The following ERC2 variants were observed in gnomAD, a reference collection of about 807,000 sequenced individuals.
The protein encoded by ERC2 is ERC protein 2.
In ERC2, 42 loss-of-function variants were observed where a neutral mutation model predicts 114.8. The observed-to-expected ratio is 0.37, with a 90% confidence interval of 0.29 to 0.47. ERC2 has a LOEUF of 0.47. Ranked by LOEUF, ERC2 falls within the 20% of genes least tolerant of loss-of-function variation. The pLI is 0.99. For missense variants in ERC2, 939 were observed against 1,150.7 expected (o/e 0.82, Z 2.66); for synonymous variants, 454 against 425.5 (o/e 1.07, Z -0.82).
chr3:55,531,192 CCTGCTACTCCTTGGG>C (rs1243895726), intron 17 of ERC2, among the ~76,000 whole-genome samples: 2 of 152,136 alleles, frequency 1.3e-5, no homozygotes, highest in Non-Finnish European at 2.9e-5. Flanking sequence ...GGGGCCTTGG[CCTGCTACTCCTTGGG>C]CTTGACTTGC....
At chr3:56,244,478 T>C (rs7650293) in intron 3 of ERC2, among the ~76,000 whole-genome samples, 12,427 of 152,140 alleles carry the variant, frequency 0.082, 687 homozygotes, top group Admixed American at 0.15. Context: ...TCATAGGAGA[T>C]GACAGCTCCA....
intron 3 of ERC2, among the ~76,000 whole-genome samples, chr3:56,287,742 G>A (rs763627861): frequency 6.6e-5 from 10 of 152,152 alleles, no homozygotes; most frequent in East Asian, 1.9e-4. Flanking sequence ...TACTTCAATC[G>A]GCAAGTCCAA....
intron 16 of ERC2, among the ~76,000 whole-genome samples, chr3:55,696,421 C>A (rs930290527): frequency 6.6e-6 from 1 of 152,216 alleles, no homozygotes; most frequent in Non-Finnish European, 1.5e-5. Context: ...TGAAAGAGAC[C>A]TTTCCCCTTT....
intron 2 of ERC2, among the ~76,000 whole-genome samples, chr3:56,423,883 G>A (rs747132902): frequency 1.9e-4 from 29 of 152,224 alleles, no homozygotes; most frequent in Non-Finnish European, 3.2e-4. Flanking sequence ...ATGTTCCTGC[G>A]AGGCCAAACC....
intron 3 of ERC2, among the ~76,000 whole-genome samples, chr3:56,180,095 T>C (rs952540935): frequency 1.4e-4 from 22 of 152,082 alleles, no homozygotes; most frequent in African/African-American, 5.1e-4. Context: ...GGAGATCAAG[T>C]GAAGCAGCTG....
intron 17 of ERC2, among the ~76,000 whole-genome samples, chr3:55,634,687 C>G (rs1253586210): frequency 6.6e-6 from 1 of 152,132 alleles, no homozygotes; most frequent in African/African-American, 2.4e-5. Flanking sequence ...CTCCTATTTC[C>G]AATTAGAAAC....
chr3:56,061,011 C>T (rs879289000), intron 7 of ERC2, among the ~76,000 whole-genome samples: 9 of 152,176 alleles, frequency 5.9e-5, no homozygotes, highest in Non-Finnish European at 1.2e-4. Context: ...CAGTAACCTC[C>T]ACTTGCCTGC....
chr3:55,534,384 T>G (rs1575498454), intron 17 of ERC2, among the ~76,000 whole-genome samples: 7 of 121,118 alleles, frequency 5.8e-5, no homozygotes, highest in African/African-American at 1.2e-4. Context: ...GATGACAGAG[T>G]GAGACCCTGT....
intron 2 of ERC2, among the ~76,000 whole-genome samples, chr3:56,409,398 A>G (rs1318848647): frequency 2.0e-5 from 3 of 152,098 alleles, no homozygotes; most frequent in East Asian, 1.9e-4. Flanking sequence ...TAGGAAAATC[A>G]TGACTGTGTG....
chr3:56,363,772 A>C (rs1426901439), intron 2 of ERC2, among the ~76,000 whole-genome samples: 1 of 145,338 alleles, frequency 6.9e-6, no homozygotes, highest in Non-Finnish European at 1.5e-5. Flanking sequence ...ATCTCATCTC[A>C]TACTCTTGTT....
intron 7 of ERC2, among the ~76,000 whole-genome samples, chr3:56,040,638 A>C (rs1352944031): frequency 2.9e-5 from 3 of 104,408 alleles, no homozygotes; most frequent in African/African-American, 9.2e-5. Context: ...GTATATATAC[A>C]TATATAGATG....
At chr3:56,318,823 G>A (rs375961607) in intron 2 of ERC2, among the ~76,000 whole-genome samples, 43 of 151,420 alleles carry the variant, frequency 2.8e-4, no homozygotes, top group African/African-American at 3.9e-4. Context: ...GCAGTGGTTC[G>A]TGCCTATATC....
intron 14 of ERC2, among the ~76,000 whole-genome samples, chr3:55,743,339 C>CA (rs1394890944): frequency 1.0e-5 from 1 of 95,584 alleles, no homozygotes; most frequent in Non-Finnish European, 2.0e-5. Flanking sequence ...ACTAAGAGGG[C>CA]AAATGCCAGC....
intron 2 of ERC2, among the ~76,000 whole-genome samples, chr3:56,353,746 T>A (rs969304661): frequency 2.6e-5 from 4 of 151,652 alleles, no homozygotes; most frequent in African/African-American, 9.7e-5. Context: ...ATGGCACATG[T>A]ATACATATGT....
chr3:55,622,089 T>C (rs533686439), intron 17 of ERC2, among the ~76,000 whole-genome samples: 1 of 152,322 alleles, frequency 6.6e-6, no homozygotes, highest in South Asian at 2.1e-4. Context: ...CCGCCATCCA[T>C]AGCTGGCACT....
At chr3:55,952,315 A>G (rs1392811036) in intron 12 of ERC2, among the ~76,000 whole-genome samples, 1 of 151,532 alleles carries the variant, frequency 6.6e-6, no homozygotes, top group Non-Finnish European at 1.5e-5. Flanking sequence ...AGTATGATAT[A>G]ATAACCATCT....
chr3:56,328,193 T>A (rs1173506664), intron 2 of ERC2, among the ~76,000 whole-genome samples: 2 of 152,172 alleles, frequency 1.3e-5, no homozygotes, highest in Admixed American at 1.3e-4. Flanking sequence ...ATTTGGTTAA[T>A]CCTCAAAGTT....
At chr3:56,181,774 C>T (rs1230252619) in intron 3 of ERC2, among the ~76,000 whole-genome samples, 1 of 152,164 alleles carries the variant, frequency 6.6e-6, no homozygotes, top group Non-Finnish European at 1.5e-5. Flanking sequence ...TGCTCATATT[C>T]TTGGATCACT....
intron 17 of ERC2, among the ~76,000 whole-genome samples, chr3:55,549,658 A>C (rs2055013644): frequency 6.6e-6 from 1 of 151,842 alleles, no homozygotes; most frequent in East Asian, 1.9e-4. Flanking sequence ...GTGCCAGAGA[A>C]AGTACATGGC....
Sources: allele counts gnomAD v4.1 joint callset (sites outside exome capture counted in the v4.1 genomes callset), GRCh38; gene constraint gnomAD v4.1.1; transcripts MANE v1.5; gene names NCBI Gene and HGNC (gene_info 2026-07-23, HGNC 2026-07-21).